The following PARD3B variants were observed in gnomAD, a reference collection of about 807,000 sequenced individuals.
PARD3B encodes partitioning defective 3 homolog B.
In PARD3B, 103 loss-of-function variants were observed where a neutral mutation model predicts 130.2. The ratio of observed to expected loss-of-function variants is 0.79; its 90% CI spans 0.67 to 0.93. The LOEUF (loss-of-function observed/expected upper bound fraction) is 0.93, where lower values mean the gene tolerates loss of function less well. Among genes scored for constraint, PARD3B ranks in the 40% least tolerant of loss-of-function variants. PARD3B has a pLI of 0.00. For missense variants in PARD3B, 1,609 were observed against 1,499.2 expected, an observed-to-expected ratio of 1.07 and a Z score of -1.21; for synonymous variants, 583 against 553.2, an observed-to-expected ratio of 1.05 and a Z score of -0.76.
chr2:205,104,313 A>G (rs1367563102), intron 4 of PARD3B, 113 bp from the exon 5 acceptor site: 1 of 695,210 alleles, frequency 1.4e-6, no homozygotes, highest in Non-Finnish European at 2.5e-6. Flanking sequence ...AAATTAGAGC[A>G]TACTGTATAT....
At chr2:205,147,959 A>T (rs2033482679) in intron 10 of PARD3B, among the ~76,000 whole-genome samples, 1 of 152,102 alleles carries the variant, frequency 6.6e-6, no homozygotes, top group Non-Finnish European at 1.5e-5. Flanking sequence ...GGGTTTTCTA[A>T]TATATATCAG....
At chr2:205,305,430 A>G (rs2042154679) in intron 18 of PARD3B, among the ~76,000 whole-genome samples, 2 of 152,238 alleles carry the variant, frequency 1.3e-5, no homozygotes, top group Admixed American at 1.3e-4. Context: ...AGATGTCCCA[A>G]TAGACATTCG....
At chr2:205,302,897 C>T (rs751552315) in intron 18 of PARD3B, among the ~76,000 whole-genome samples, 1 of 152,220 alleles carries the variant, frequency 6.6e-6, no homozygotes, top group Non-Finnish European at 1.5e-5. Context: ...GCTCTACTGA[C>T]CCAGCACAGT....
intron 2 of PARD3B, among the ~76,000 whole-genome samples, chr2:204,892,155 C>A (rs1260254438): frequency 6.6e-6 from 1 of 152,124 alleles, no homozygotes; most frequent in East Asian, 1.9e-4. Flanking sequence ...GAAGAGCTTA[C>A]ATTGCTATGA....
intron 4 of PARD3B, among the ~76,000 whole-genome samples, chr2:205,090,544 A>G (rs1048610901): frequency 1.3e-4 from 20 of 152,218 alleles, no homozygotes; most frequent in Admixed American, 7.9e-4. Flanking sequence ...GCTAGGGAGT[A>G]TGGTGCTGCA....
rs2040404543 is a variant in PARD3B, at chr2:205,263,778, AG to A, written c.2185+17957del. ...ATACTCTTGAGAAAATGAAAAGACAAGTCACAGACTAAAAATATTTGAAAAA... is the reference window on the plus strand; with the variant it reads ...ATACTCTTGAGAAAATGAAAAGACAATCACAGACTAAAAATATTTGAAAAA... On this transcript the variant is annotated intron_variant, in intron 16 of 22. Coordinates refer to ENST00000406610, the MANE Select transcript of PARD3B (RefSeq NM_001302769.2). The surrounding 1 kb of genome is among the most constrained non-coding windows in gnomAD (Gnocchi z 4.0). Among the ~76,000 whole-genome samples, 1 of 151,284 alleles carries A rather than the reference AG, an allele frequency of 6.6e-6. No homozygotes were observed. The highest frequency in any genetic ancestry group is 1.5e-5 in the Non-Finnish European group (1 of 67,662).
At chr2:204,698,519 A>C (rs2037725230) in intron 2 of PARD3B, among the ~76,000 whole-genome samples, 1 of 151,698 alleles carries the variant, frequency 6.6e-6, no homozygotes, top group South Asian at 2.1e-4. Context: ...TTTTATTTTA[A>C]AGTCTTTGTT....
chr2:204,774,443 GGTTTGGGATATAGT>G (rs1348609182), intron 2 of PARD3B, among the ~76,000 whole-genome samples: 2 of 152,056 alleles, frequency 1.3e-5, no homozygotes, highest in African/African-American at 4.8e-5. Context: ...ACCAGGAGCA[GGTTTGGGATATAGT>G]GTGGGGAGGC....
At chr2:205,060,914 A>C (rs907592297) in intron 4 of PARD3B, among the ~76,000 whole-genome samples, 2 of 152,110 alleles carry the variant, frequency 1.3e-5, no homozygotes, top group Non-Finnish European at 2.9e-5. Context: ...GCATGGTTCT[A>C]CTCTGGAAAC....
chr2:205,024,455 G>C (rs769586860), intron 3 of PARD3B, among the ~76,000 whole-genome samples: 21 of 151,884 alleles, frequency 1.4e-4, no homozygotes, highest in Non-Finnish European at 2.6e-4. Context: ...AGGCCTCACT[G>C]TTATTTTCTG....
chr2:205,394,339 C>G (rs1389642953), intron 18 of PARD3B, among the ~76,000 whole-genome samples: 1 of 152,130 alleles, frequency 6.6e-6, no homozygotes, highest in Non-Finnish European at 1.5e-5. Flanking sequence ...AACCATTTTT[C>G]TTATACATGC....
intron 18 of PARD3B, among the ~76,000 whole-genome samples, chr2:205,345,473 G>T (rs1469353298): frequency 2.6e-5 from 4 of 152,084 alleles, no homozygotes; most frequent in African/African-American, 9.7e-5. Flanking sequence ...CTTAAGGAGG[G>T]TGGGAGGAGG....
intron 4 of PARD3B, among the ~76,000 whole-genome samples, chr2:205,092,276 C>A (rs1296034214): frequency 6.6e-6 from 1 of 152,130 alleles, no homozygotes; most frequent in Non-Finnish European, 1.5e-5. Flanking sequence ...CAGCATGGGG[C>A]AGCTTCCAGA....
intron 18 of PARD3B, among the ~76,000 whole-genome samples, chr2:205,363,914 G>A (rs138729966): frequency 8.1e-6 from 1 of 123,242 alleles, no homozygotes; most frequent in Non-Finnish European, 1.6e-5. Flanking sequence ...TGATCCACCC[G>A]CCTCGGCCTC....
At chr2:205,215,931 A>G (rs1297314503) in intron 15 of PARD3B, among the ~76,000 whole-genome samples, 1 of 152,092 alleles carries the variant, frequency 6.6e-6, no homozygotes, top group Non-Finnish European at 1.5e-5. Flanking sequence ...AATCTTCAGA[A>G]TGCTTCATGA....
At chr2:204,768,747 T>G (rs2041244489) in intron 2 of PARD3B, among the ~76,000 whole-genome samples, 1 of 62,036 alleles carries the variant, frequency 1.6e-5, no homozygotes, top group Non-Finnish European at 3.0e-5. Flanking sequence ...CTAGGTATTT[T>G]ATTCTCTTTG....
At chr2:204,951,375 A>G (rs1689755268) in intron 2 of PARD3B, among the ~76,000 whole-genome samples, 1 of 152,108 alleles carries the variant, frequency 6.6e-6, no homozygotes, top group Admixed American at 6.5e-5. Context: ...TTGTTCCTTA[A>G]TCCAGTGGAT....
chr2:205,391,519 A>T (rs867488010), intron 18 of PARD3B, among the ~76,000 whole-genome samples: 1 of 152,242 alleles, frequency 6.6e-6, no homozygotes, highest in Non-Finnish European at 1.5e-5. Context: ...AACATAAAAA[A>T]TGCAAAAAGA....
chr2:205,438,305 A>T (rs1263481409), intron 19 of PARD3B, among the ~76,000 whole-genome samples: 1 of 152,200 alleles, frequency 6.6e-6, no homozygotes, highest in Non-Finnish European at 1.5e-5. Context: ...AAGTGATGAA[A>T]TAAGGAACAC....
Sources: allele counts gnomAD v4.1 joint callset (sites outside exome capture counted in the v4.1 genomes callset), GRCh38; gene constraint gnomAD v4.1.1; non-coding constraint Gnocchi (gnomAD v3.1); transcripts MANE v1.5; gene names NCBI Gene and HGNC (gene_info 2026-07-23, HGNC 2026-07-21).